TSC22D1: variants seen among roughly 807,000 people sequenced by gnomAD.
The protein encoded by TSC22D1 is TSC22 domain family protein 1.
In TSC22D1, 9 loss-of-function variants were observed where a neutral mutation model predicts 74.2. The observed-to-expected ratio is 0.12, with a 90% CI of 0.07 to 0.21. TSC22D1 has a LOEUF of 0.21. Among genes scored for constraint, TSC22D1 ranks in the 10% least tolerant of loss-of-function variants. The probability of loss-of-function intolerance (pLI) is 1.00; values close to 1 mark genes in which losing one functional copy is unlikely to be tolerated. For missense variants in TSC22D1, 1,427 were observed against 1,304.7 expected, an observed-to-expected ratio of 1.09 and a Z score of -1.44; for synonymous variants, 586 against 492.5, an observed-to-expected ratio of 1.19 and a Z score of -2.51.
In TSC22D1 at chr13:44,573,324, C is replaced by T; in HGVS notation, c.2751G>A (p.Ala917=). The part of the protein sequence containing the change: ...GSQIEDARRA[A]EPSLVGLPQT... ...GAGGTAAGCCAACTAAGGAGGGCTC[C>T]GCTGCACGCCTGGCATCTTCAATTT... Residue 917 remains alanine, a synonymous_variant, in exon 1 of 3, where the codon GCG becomes GCA. Coordinates refer to ENST00000458659, the MANE Select transcript of TSC22D1 (RefSeq NM_183422.4). 1.2e-6 allele frequency: 2 copies of T among 1,614,224 alleles called. No individual in the cohort carries two copies. Among genetic ancestry groups the T allele is most frequent in the Non-Finnish European group, 1.7e-6 (2 of 1,180,046 alleles).
At position 44,437,784 on chromosome 13, in the gene TSC22D1, A is replaced by ATAT. The variant is rs577233824; in HGVS notation, c.2913-1690_2913-1689insATA. ...CTTCTTACATCAGAGGGATTGAAAT[A>ATAT]TTATAAAGTATGTATTCAAAGCATA... On this transcript the variant is annotated intron_variant, in intron 1 of 2. Coordinates refer to ENST00000458659, the MANE Select transcript of TSC22D1 (RefSeq NM_183422.4). Among the ~76,000 whole-genome samples the ATAT allele has an allele frequency of 3.2e-4, 48 of 152,304 alleles. No individual in the cohort carries two copies. In the East Asian group the frequency reaches 8.9e-3, roughly 28 times the overall value.
At chr13:44,437,196 G>A (rs1299622908) in intron 1 of TSC22D1, 4 of 985,382 alleles carry the variant, frequency 4.1e-6, no homozygotes, top group Admixed American at 1.2e-4. Context: ...GTCAGACCCC[G>A]GTCCCCGGAG....
intron 1 of TSC22D1, among the ~76,000 whole-genome samples, chr13:44,560,324 A>G (rs1250016905): frequency 1.3e-5 from 2 of 151,798 alleles, no homozygotes; most frequent in Non-Finnish European, 2.9e-5. Context: ...TTGGGGGGGG[A>G]TCTTCATTAT....
chr13:44,517,847 ATATATATATAT>A (rs1351728911), intron 1 of TSC22D1, among the ~76,000 whole-genome samples: 42 of 24,066 alleles, frequency 1.7e-3, no homozygotes, highest in African/African-American at 3.5e-3. Flanking sequence ...ATATATATAT[ATATATATATAT>A]TTTTTTTTTT....
chr13:44,478,779 G>A (rs1316465165), intron 1 of TSC22D1, among the ~76,000 whole-genome samples: 2 of 152,102 alleles, frequency 1.3e-5, no homozygotes, highest in South Asian at 4.1e-4. Context: ...AGCCCAGTAT[G>A]CAGACATGGA....
At chr13:44,537,633 G>A (rs1881231688) in intron 1 of TSC22D1, 2 of 984,412 alleles carry the variant, frequency 2.0e-6, no homozygotes, top group Non-Finnish European at 2.4e-6. Flanking sequence ...TAAACCAATT[G>A]TCTTATTAAC....
intron 1 of TSC22D1, among the ~76,000 whole-genome samples, chr13:44,556,898 C>A (rs552627726): frequency 6.6e-6 from 1 of 152,096 alleles, no homozygotes; most frequent in Admixed American, 6.5e-5. Context: ...AATCCCAGCA[C>A]TTTGGGAGGC....
At chr13:44,439,767 T>G (rs1026347416) in intron 1 of TSC22D1, among the ~76,000 whole-genome samples, 2 of 152,216 alleles carry the variant, frequency 1.3e-5, no homozygotes, top group Non-Finnish European at 2.9e-5. Context: ...AGATTCCAAT[T>G]CAACTGCTAC....
chr13:44,487,927 G>A (rs1878521236), intron 1 of TSC22D1, among the ~76,000 whole-genome samples: 1 of 151,916 alleles, frequency 6.6e-6, no homozygotes, highest in Admixed American at 6.6e-5. Flanking sequence ...GCGTGGTGGT[G>A]CACGCCTGTA....
intron 1 of TSC22D1, among the ~76,000 whole-genome samples, chr13:44,481,009 C>T (rs2137931861): frequency 6.6e-6 from 1 of 152,230 alleles, no homozygotes; most frequent in South Asian, 2.1e-4. Flanking sequence ...GGCCAAGCAA[C>T]AGAACCTAGG....
At chr13:44,504,014 CTATTT>C (rs1021646974) in intron 1 of TSC22D1, among the ~76,000 whole-genome samples, 1 of 151,644 alleles carries the variant, frequency 6.6e-6, no homozygotes, top group African/African-American at 2.4e-5. Flanking sequence ...TAGCTGGACT[CTATTT>C]TAAGTCATGA....
chr13:44,561,849 G>A (rs1024371002), intron 1 of TSC22D1, among the ~76,000 whole-genome samples: 2 of 152,098 alleles, frequency 1.3e-5, no homozygotes, highest in Non-Finnish European at 2.9e-5. Context: ...AAAAATTACA[G>A]GAGTAATAGA....
intron 1 of TSC22D1, among the ~76,000 whole-genome samples, chr13:44,517,330 CAA>C (rs1419791160): frequency 8.5e-6 from 1 of 117,258 alleles, no homozygotes; most frequent in African/African-American, 3.1e-5. Flanking sequence ...AAAACAAAAA[CAA>C]AACACACACA....
chr13:44,550,090 AG>A (rs1049523872), intron 1 of TSC22D1, among the ~76,000 whole-genome samples: 1 of 152,200 alleles, frequency 6.6e-6, no homozygotes, highest in African/African-American at 2.4e-5. Flanking sequence ...GAAAATGAAA[AG>A]GTATTAAGAA....
chr13:44,539,275 G>A (rs1446209449), intron 1 of TSC22D1: 4 of 985,152 alleles, frequency 4.1e-6, no homozygotes, highest in Non-Finnish European at 4.8e-6. Flanking sequence ...TACTATCATT[G>A]CATCTTTTAA....
chr13:44,475,444 G>A (rs1877854769), intron 1 of TSC22D1, among the ~76,000 whole-genome samples: 1 of 142,572 alleles, frequency 7.0e-6, no homozygotes, highest in African/African-American at 2.6e-5. Context: ...GGTCAGGAGA[G>A]GGAGGTAAAA....
At chr13:44,505,573 A>G (rs533992217) in intron 1 of TSC22D1, among the ~76,000 whole-genome samples, 1 of 152,278 alleles carries the variant, frequency 6.6e-6, no homozygotes, top group African/African-American at 2.4e-5. Flanking sequence ...TACATACTAT[A>G]TATATTTAAA....
At position 44,573,819 on chromosome 13, in the gene TSC22D1, T is replaced by C; in HGVS notation, c.2256A>G (p.Ser752=). 6.2e-7 allele frequency: 1 copy of C among 1,614,218 alleles called. No individual in the cohort carries two copies. The highest frequency in any genetic ancestry group is 8.5e-7 in the Non-Finnish European group (1 of 1,180,032). The change falls in exon 1 of 3, where the codon TCA becomes TCG. Residue 752 remains serine, a synonymous_variant. Transcript: ENST00000458659. ...ATGGAGGAGCACCCTGCTGAATAAC[T>C]GAAGGTGGAACCTGGGTAGAGGGCT... ...VQQPSTQVPP[S]VIQQGAPPSS...
intron 1 of TSC22D1, among the ~76,000 whole-genome samples, chr13:44,543,042 T>A (rs1259564306): frequency 2.6e-5 from 4 of 152,182 alleles, no homozygotes; most frequent in African/African-American, 9.6e-5. Flanking sequence ...AAATGGCTGT[T>A]ATAGATCTAT....
Sources: gnomAD v4.1 joint callset for allele counts (sites outside exome capture counted in the v4.1 genomes callset) on GRCh38, gnomAD v4.1.1 for gene constraint, MANE v1.5 for transcripts, NCBI Gene and HGNC (gene_info 2026-07-23, HGNC 2026-07-21) for gene names.